FASTKD1: variants seen among roughly 807,000 people sequenced by gnomAD.
FASTKD1 encodes FAST kinase domain-containing protein 1, mitochondrial.
A neutral mutation model predicts 90.9 loss-of-function variants in FASTKD1; 94 were observed. The observed-to-expected ratio is 1.03, with a 90% CI of 0.88 to 1.23. FASTKD1 has a LOEUF of 1.23. FASTKD1 is among the 50% of genes most tolerant of loss of function. FASTKD1 has a pLI of 0.00. For missense variants in FASTKD1, 945 were observed against 993.5 expected (o/e 0.95, Z 0.66); for synonymous variants, 319 against 345.8 (o/e 0.92, Z 0.86).
intron 5 of FASTKD1, among the ~76,000 whole-genome samples, chr2:169,558,495 G>T (rs1683430887): frequency 6.6e-6 from 1 of 151,672 alleles, no homozygotes; most frequent in African/African-American, 2.4e-5. Flanking sequence ...TGTTGCCCAG[G>T]CTGGAGTGCA....
At chr2:169,558,018 A>C (rs2105400517) in intron 5 of FASTKD1, among the ~76,000 whole-genome samples, 1 of 152,276 alleles carries the variant, frequency 6.6e-6, no homozygotes, top group East Asian at 1.9e-4. Flanking sequence ...CAACCACTTC[A>C]GTCTATATTT....
Position 169,544,765 on chromosome 2 carries a change from T to C in FASTKD1, c.1772A>G (p.Asp591Gly). 1 of 1,612,666 alleles carries C rather than the reference T, an allele frequency of 6.2e-7. No homozygotes were observed. The highest frequency in any genetic ancestry group is 2.2e-5 in the East Asian group (1 of 44,832). Reference protein sequence around the residue: ...SVLNYDPPQRDEFLGTCVQHL... With the variant: ...SVLNYDPPQRGEFLGTCVQHL... ...TTGCACGCAAGTTCCCAAAAATTCA[T>C]CCCTTTGAGGTGGATCATAGTTCAA... Residue 591 changes from aspartate (D) to glycine (G), a missense_variant, in exon 9 of 15, where the codon GAT becomes GGT. By Grantham distance (94) the Asp-to-Gly change is moderately conservative. Coordinates refer to ENST00000453153, the MANE Select transcript of FASTKD1 (RefSeq NM_024622.6).
At position 169,529,651 on chromosome 2, in the gene FASTKD1, C is replaced by T; in HGVS notation, c.*174G>A. ...TCTCTTATCTTTTCTCTTATACACT[C>T]CCACCCCACTCCCCACTTGTTCTGC... On this transcript the variant is annotated 3_prime_UTR_variant, in exon 15 of 15. Coordinates refer to ENST00000453153, the MANE Select transcript of FASTKD1 (RefSeq NM_024622.6). 2 of 567,346 alleles carry T rather than the reference C, an allele frequency of 3.5e-6. No individual in the cohort carries two copies. The highest frequency in any genetic ancestry group is 3.2e-6 in the Non-Finnish European group (1 of 314,676). The allele number at this position is 567,346 out of a possible 1,614,324, so 35.1% of individuals were successfully genotyped here.
At chr2:169,561,653 T>C (rs529222888) in intron 4 of FASTKD1, among the ~76,000 whole-genome samples, 7 of 150,076 alleles carry the variant, frequency 4.7e-5, no homozygotes, top group African/African-American at 1.7e-4. Flanking sequence ...GTAAAATTTG[T>C]GAATTTGTTT....
rs202027542 is a variant in FASTKD1 at position 169,531,439 on chromosome 2, T to C, written c.2240A>G (p.His747Arg). 3.4e-4 allele frequency: 553 copies of C among 1,612,188 alleles called. No individual in the cohort carries two copies. The highest frequency in any genetic ancestry group is 4.5e-4 in the Non-Finnish European group (530 of 1,179,534). Residue 747 changes from histidine to arginine, a missense_variant, in exon 13 of 15, where the codon CAT (histidine) becomes CGT (arginine). By Grantham distance (29) the His-to-Arg change is conservative (BLOSUM62 0). Transcript: ENST00000453153. Reference protein sequence around the residue: ...KRKKPLPYGSHNIALGQLPEM... With the variant: ...KRKKPLPYGSRNIALGQLPEM... Reference sequence around the variant, plus strand: ...TGGTAGTTGTCCCAATGCTATATTATGGCTTCCATACGGAAGAGGTTTTTT... The same window carrying C: ...TGGTAGTTGTCCCAATGCTATATTACGGCTTCCATACGGAAGAGGTTTTTT...
In FASTKD1 at chr2:169,531,337, T is replaced by C; in HGVS notation, c.2327+15A>G. On this transcript the variant is annotated intron_variant, in intron 13 of 14. Transcript: ENST00000453153. ...TTTAGATATTAATACAATCTAAAAC[T>C]AAGAAATAAATTACCTTTCAGCCCC... 1 of 1,611,982 alleles carries C rather than the reference T, an allele frequency of 6.2e-7. No individual in the cohort carries two copies. Among genetic ancestry groups the C allele is most frequent in the Non-Finnish European group, 8.5e-7 (1 of 1,178,294 alleles).
At chr2:169,558,751 CT>C (rs1023569975) in intron 5 of FASTKD1, among the ~76,000 whole-genome samples, 5 of 150,158 alleles carry the variant, frequency 3.3e-5, no homozygotes, top group Non-Finnish European at 3.0e-5. Flanking sequence ...ACACCCGGCC[CT>C]TTTTTTTTGT....
intron 11 of FASTKD1, among the ~76,000 whole-genome samples, 167 bp from the exon 12 acceptor site, chr2:169,537,507 C>T (rs1192745127): frequency 6.6e-6 from 1 of 152,114 alleles, no homozygotes; most frequent in Non-Finnish European, 1.5e-5. Context: ...GCCTCAGCCT[C>T]CCAAGTAGCT....
In FASTKD1 at chr2:169,561,334, G is replaced by A. The variant is rs189069663; in HGVS notation, c.573-549C>T. ...AGGGTGGAGTGGGGCAAGAAGAGCA[G>A]GAAACTACTATAATTTAATTTTACC... is the stretch of plus-strand genomic sequence containing the variant. On this transcript the variant is annotated intron_variant, in intron 4 of 14. Transcript: ENST00000453153. 1.8e-4 allele frequency among the ~76,000 whole-genome samples: 27 copies of A among 150,986 alleles called. 1 individual carries two copies. Among genetic ancestry groups the A allele is most frequent in the Admixed American group, 7.9e-4 (12 of 15,136 alleles).
Position 169,534,238 on chromosome 2 carries a change from T to C in FASTKD1, c.2189-2748A>G, listed in dbSNP as rs977707070. 3.7e-5 allele frequency among the ~76,000 whole-genome samples: 5 copies of C among 136,980 alleles called. No individual in the cohort carries two copies. The East Asian group carries it at 1.1e-3, about 29-fold the overall frequency. The allele number at this position is 136,980 out of a possible 152,430, so 89.9% of individuals were successfully genotyped here. On this transcript the variant is annotated intron_variant, in intron 12 of 14. Coordinates refer to ENST00000453153, the MANE Select transcript of FASTKD1 (RefSeq NM_024622.6). ...AGAGGCAGAACCTTTAGGAGACGAT[T>C]AAGTCATGAGGGCAGAGCCCTCATT...
At chr2:169,546,852 C>T (rs1372258384) in intron 7 of FASTKD1, 148 bp from the exon 8 acceptor site, 26 of 810,698 alleles carry the variant, frequency 3.2e-5, no homozygotes, top group Non-Finnish European at 2.6e-5. Flanking sequence ...TAATCTCAAA[C>T]CACAACAATC....
Position 169,572,093 on chromosome 2 carries a change from A to T in FASTKD1, c.-64T>A. 1 of 1,511,320 alleles carries T rather than the reference A, an allele frequency of 6.6e-7. No individual in the cohort carries two copies. Among genetic ancestry groups the T allele is most frequent in the South Asian group, 1.4e-5 (1 of 72,938 alleles). The allele number at this position is 1,511,320 out of a possible 1,614,324, so 93.6% of individuals were successfully genotyped here. On this transcript the variant is annotated 5_prime_UTR_variant, in exon 2 of 15. Coordinates refer to ENST00000453153, the MANE Select transcript of FASTKD1 (RefSeq NM_024622.6). ...CAACTAGTCGTCAGGTGCAATAAGC[A>T]GGGATACAAATAACAGTTTTTCCTT...
intron 5 of FASTKD1, among the ~76,000 whole-genome samples, chr2:169,559,052 G>A (rs1365311233): frequency 6.7e-6 from 1 of 148,616 alleles, no homozygotes; most frequent in Non-Finnish European, 1.5e-5. Flanking sequence ...TTGGCTTACT[G>A]CAACCTGCAC....
chr2:169,530,989 A>T (rs768855375), intron 13 of FASTKD1: 1 of 667,544 alleles, frequency 1.5e-6, no homozygotes. Context: ...AATATGAAGC[A>T]ACACAGCTTA....
chr2:169,533,761 A>G (rs1684598254), intron 12 of FASTKD1, among the ~76,000 whole-genome samples: 1 of 152,042 alleles, frequency 6.6e-6, no homozygotes, highest in Admixed American at 6.6e-5. Context: ...TTGTATAAGC[A>G]TATCTGTTGG....
At position 169,561,900 on chromosome 2, in the gene FASTKD1, AAATT is replaced by A. The variant is rs575515233; in HGVS notation, c.573-1119_573-1116del. ...TAATTTATTGTAAATTATTTATTAT[AAATT>A]ATTTATTTATTGTAAATCAATTATT... is the stretch of plus-strand genomic sequence containing the variant. On this transcript the variant is annotated intron_variant, in intron 4 of 14. Coordinates refer to ENST00000453153, the MANE Select transcript of FASTKD1 (RefSeq NM_024622.6). Among the ~76,000 whole-genome samples the A allele has an allele frequency of 4.9e-4, 64 of 129,644 alleles. 2 individuals carry two copies. Among genetic ancestry groups the A allele is most frequent in the African/African-American group, 1.7e-3 (60 of 34,490 alleles). The allele number at this position is 129,644 out of a possible 152,430, so 85.1% of individuals were successfully genotyped here.
intron 4 of FASTKD1, among the ~76,000 whole-genome samples, chr2:169,561,088 C>A (rs112507819): frequency 0.1 from 15,211 of 150,788 alleles, 1,159 homozygotes; most frequent in African/African-American, 0.21. Flanking sequence ...CACTTGTGGT[C>A]AGGAGTTTGA....
rs541464296 is a variant in FASTKD1, at chr2:169,557,790, C to T, written c.972-493G>A. Among the ~76,000 whole-genome samples the T allele has an allele frequency of 2.0e-5, 3 of 152,282 alleles. No individual in the cohort carries two copies. The East Asian group carries it at 5.8e-4, about 29-fold the overall frequency. ...AAACTGAAAATTAACAAAGCTGGTC[C>T]ATTTTGACTATGATTAGTTGTCATT... is the stretch of plus-strand genomic sequence containing the variant. On this transcript the variant is annotated intron_variant, in intron 5 of 14. Transcript: ENST00000453153.
chr2:169,537,335 C>T lies in FASTKD1; in HGVS notation c.2080G>A (p.Gly694Ser). 2 of 1,571,792 alleles carry T rather than the reference C, an allele frequency of 1.3e-6. No homozygotes were observed. Among genetic ancestry groups the T allele is most frequent in the Non-Finnish European group, 8.7e-7 (1 of 1,148,746 alleles). ...RFCQQYNKGI[G>S]GMDGTQQQIF... ...TGCTGTTGTGTTCCATCCATGCCAC[C>T]AATACCTTTATAAAAAAATAAATAA... The change falls in exon 12 of 15, where the codon GGT becomes AGT. Residue 694 changes from glycine (G) to serine (S), a missense_variant. Transcript: ENST00000453153.
Sources: allele counts gnomAD v4.1 joint callset (sites outside exome capture counted in the v4.1 genomes callset), GRCh38; gene constraint gnomAD v4.1.1; transcripts MANE v1.5; gene names NCBI Gene and HGNC (gene_info 2026-07-23, HGNC 2026-07-21).